NRXN1: variants seen among roughly 807,000 people sequenced by gnomAD.
NRXN1 encodes the protein neurexin 1.
A neutral mutation model predicts 150.9 loss-of-function variants in NRXN1; 39 were observed. The ratio of observed to expected loss-of-function variants is 0.26; its 90% CI spans 0.20 to 0.34. NRXN1 has a LOEUF of 0.34. Among genes scored for constraint, NRXN1 ranks in the 10% least tolerant of loss-of-function variants. The pLI is 1.00. For missense variants in NRXN1, 1,815 were observed against 1,949.9 expected, an observed-to-expected ratio of 0.93 and a Z score of 1.30; for synonymous variants, 924 against 757.0, an observed-to-expected ratio of 1.22 and a Z score of -3.62.
chr2:50,589,424 A>G (rs1331571788), intron 8 of NRXN1: 5 of 152,230 alleles, frequency 3.3e-5, no homozygotes, highest in African/African-American at 1.2e-4. Flanking sequence ...CCAGGTGGAC[A>G]TGGCTCACTG....
At chr2:50,789,185 T>A (rs1218604288) in intron 5 of NRXN1, among the ~76,000 whole-genome samples, 1 of 152,164 alleles carries the variant, frequency 6.6e-6, no homozygotes, top group East Asian at 1.9e-4. Context: ...GACAGCTACA[T>A]CTTTATATAC....
chr2:50,448,770 A>T (rs1395313126), intron 17 of NRXN1, among the ~76,000 whole-genome samples: 2 of 152,324 alleles, frequency 1.3e-5, no homozygotes, highest in East Asian at 3.9e-4. Flanking sequence ...GGCAGCCGAC[A>T]ATCCAGATCA....
intron 17 of NRXN1, among the ~76,000 whole-genome samples, chr2:50,462,072 T>C (rs141427956): frequency 9.2e-5 from 14 of 151,890 alleles, no homozygotes; most frequent in African/African-American, 3.4e-4. Flanking sequence ...ACTTGGAGAG[T>C]AGTATTGGAC....
intron 17 of NRXN1, among the ~76,000 whole-genome samples, chr2:50,253,979 A>C (rs1408314459): frequency 6.6e-6 from 1 of 151,486 alleles, no homozygotes; most frequent in East Asian, 1.9e-4. Flanking sequence ...GAATCATTTC[A>C]GAAGAAATGG....
At chr2:50,902,602 T>C (rs1213267202) in intron 5 of NRXN1, among the ~76,000 whole-genome samples, 5 of 152,196 alleles carry the variant, frequency 3.3e-5, no homozygotes, top group African/African-American at 2.4e-5. Flanking sequence ...TCTTCTAAGA[T>C]ACCATGTAAC....
chr2:50,039,473 A>G (rs1690593786), intron 21 of NRXN1, among the ~76,000 whole-genome samples: 1 of 151,220 alleles, frequency 6.6e-6, no homozygotes, highest in Non-Finnish European at 1.5e-5. Context: ...CTCATAAGTA[A>G]CTAAATAAAT....
At chr2:50,843,935 G>T (rs1164544484) in intron 5 of NRXN1, among the ~76,000 whole-genome samples, 1 of 151,956 alleles carries the variant, frequency 6.6e-6, no homozygotes, top group Non-Finnish European at 1.5e-5. Flanking sequence ...AAAAAGGTCA[G>T]CCTTAAACCA....
chr2:50,985,458 GA>G (rs920825651), intron 2 of NRXN1: 11 of 151,678 alleles, frequency 7.3e-5, no homozygotes, highest in Admixed American at 6.6e-5. Flanking sequence ...GCTTCAAGCA[GA>G]AAATTCTGAA....
intron 18 of NRXN1, among the ~76,000 whole-genome samples, chr2:50,151,842 C>G (rs1574193224): frequency 6.6e-6 from 1 of 151,484 alleles, no homozygotes; most frequent in Non-Finnish European, 1.5e-5. Context: ...AACTATACTT[C>G]AATGCAGCTG....
chr2:50,927,702 A>G (rs1687114295), intron 2 of NRXN1, among the ~76,000 whole-genome samples: 1 of 152,042 alleles, frequency 6.6e-6, no homozygotes, highest in South Asian at 2.1e-4. Flanking sequence ...ACTTAACAAG[A>G]TTATTTAATA....
chr2:50,930,983 A>C (rs1687652922), intron 2 of NRXN1, among the ~76,000 whole-genome samples: 1 of 152,154 alleles, frequency 6.6e-6, no homozygotes, highest in African/African-American at 2.4e-5. Flanking sequence ...GAGTGAACTT[A>C]AATACACCCT....
chr2:50,929,797 T>C (rs1189969467), intron 2 of NRXN1, among the ~76,000 whole-genome samples: 1 of 152,112 alleles, frequency 6.6e-6, no homozygotes, highest in Non-Finnish European at 1.5e-5. Context: ...CAGAGCTTAG[T>C]TCCCATGGTG....
intron 17 of NRXN1, among the ~76,000 whole-genome samples, chr2:50,443,350 G>A (rs2086129999): frequency 6.6e-6 from 1 of 152,152 alleles, no homozygotes; most frequent in South Asian, 2.1e-4. Context: ...TCTTCTTATT[G>A]CTTTTAGCTT....
intron 2 of NRXN1, among the ~76,000 whole-genome samples, chr2:50,949,949 T>A (rs1188790953): frequency 6.6e-6 from 1 of 152,020 alleles, no homozygotes; most frequent in Non-Finnish European, 1.5e-5. Context: ...TTGACTGGAG[T>A]TTGTACCATC....
chr2:50,469,007 G>C (rs904150530), intron 16 of NRXN1, among the ~76,000 whole-genome samples: 4 of 151,540 alleles, frequency 2.6e-5, no homozygotes, highest in African/African-American at 9.7e-5. Flanking sequence ...CTTGACTTTA[G>C]TGGGCCTGCT....
intron 17 of NRXN1, among the ~76,000 whole-genome samples, chr2:50,408,131 C>G (rs76213316): frequency 0.023 from 3,511 of 152,230 alleles, 133 homozygotes; most frequent in African/African-American, 0.08. Flanking sequence ...GCCCAGCCCT[C>G]CAAGATCTTA....
At chr2:50,724,399 T>G (rs1388343986) in intron 5 of NRXN1, among the ~76,000 whole-genome samples, 1 of 152,186 alleles carries the variant, frequency 6.6e-6, no homozygotes, top group Non-Finnish European at 1.5e-5. Context: ...TATATTCCCT[T>G]ATTGATATAC....
chr2:49,955,674 A>T (rs77836533), intron 21 of NRXN1, among the ~76,000 whole-genome samples: 13,636 of 151,898 alleles, frequency 0.09, 1,104 homozygotes, highest in African/African-American at 0.21. Flanking sequence ...CTCTTGCAAT[A>T]GTCTATTGCA....
chr2:50,496,150 C>T (rs1160544287), intron 14 of NRXN1, 55 bp from the exon 15 acceptor site: 5 of 1,380,904 alleles, frequency 3.6e-6, no homozygotes, highest in Non-Finnish European at 5.0e-6. Flanking sequence ...TTTTGATGAA[C>T]CTAAAGTAGA....
Sources: allele counts gnomAD v4.1 joint callset (sites outside exome capture counted in the v4.1 genomes callset), GRCh38; gene constraint gnomAD v4.1.1; transcripts MANE v1.5; gene names NCBI Gene and HGNC (gene_info 2026-07-23, HGNC 2026-07-21).